Variants in PCDHA9 observed in about 807,000 individuals in gnomAD.
PCDHA9 encodes the protein protocadherin alpha 9.
In PCDHA9, 62 loss-of-function variants were observed where a neutral mutation model predicts 62.0. That is an observed-to-expected ratio of 1.00 (90% confidence interval 0.81 to 1.23). The LOEUF (loss-of-function observed/expected upper bound fraction) is 1.23. PCDHA9 is among the 50% of genes most tolerant of loss of function. The pLI is 0.00. For missense variants in PCDHA9, 1,205 were observed against 1,249.8 expected (o/e 0.96, Z 0.54); for synonymous variants, 557 against 567.6 (o/e 0.98, Z 0.27).
intron 1 of PCDHA9, among the ~76,000 whole-genome samples, chr5:140,900,747 CTTGGTAGCTCTATT>C (rs545406022): frequency 3.1e-4 from 47 of 152,302 alleles, no homozygotes; most frequent in African/African-American, 1.1e-3. Flanking sequence ...TTCTGGATCA[CTTGGTAGCTCTATT>C]TTTGGCTTTT....
intron 1 of PCDHA9, among the ~76,000 whole-genome samples, chr5:140,950,648 T>C (rs2153690319): frequency 6.6e-6 from 1 of 152,222 alleles, no homozygotes; most frequent in East Asian, 1.9e-4. Flanking sequence ...CTGTTTATGG[T>C]TGGCTGAGTT....
intron 1 of PCDHA9, chr5:140,884,016 G>C (rs143828814): frequency 1.2e-6 from 2 of 1,613,208 alleles, no homozygotes; most frequent in Non-Finnish European, 8.5e-7. Flanking sequence ...CTGATGCCGC[G>C]GTCGGTGGGT....
rs528377796 is a variant in PCDHA9, at chr5:140,957,777, T to G, written c.2395-21172T>G. The stretch of plus-strand genomic sequence containing the variant: ...TTCATTATATATGTTAAGTAAAAAC[T>G]AAGTTCATCATATATGTTAAGTAAA... On this transcript the variant is annotated intron_variant, in intron 1 of 3. Coordinates refer to ENST00000532602, the MANE Select transcript of PCDHA9 (RefSeq NM_031857.2). 8.5e-5 allele frequency among the ~76,000 whole-genome samples: 13 copies of G among 152,182 alleles called. No individual in the cohort carries two copies. The South Asian group carries it at 1.7e-3, about 19-fold the overall frequency.
chr5:140,966,651 C>A, intron 1 of PCDHA9: 1 of 1,159,980 alleles, frequency 8.6e-7, no homozygotes, highest in Non-Finnish European at 1.1e-6. Flanking sequence ...AGAGCGTGAG[C>A]GGTGGGGGAG....
chr5:140,853,126 G>T, intron 1 of PCDHA9: 1 of 560,330 alleles, frequency 1.8e-6, no homozygotes. Flanking sequence ...TGATCCTCCC[G>T]CCTCAGCCTC....
In PCDHA9 at chr5:140,850,726, C is replaced by T. The variant is rs781908002; in HGVS notation, c.2231C>T (p.Ala744Val). 1 of 1,597,804 alleles carries T rather than the reference C, an allele frequency of 6.3e-7. No individual in the cohort carries two copies. Among genetic ancestry groups the T allele is most frequent in the Non-Finnish European group, 8.6e-7 (1 of 1,167,558 alleles). The change falls in exon 1 of 4, where the codon GCG becomes GTG. Residue 744 changes from alanine (A) to valine (V), a missense_variant. Physicochemically the swap from Ala to Val is moderately conservative, Grantham distance 64 (BLOSUM62 0). This residue lies in a region of PCDHA9 where 887 missense variants were observed against 809.5 expected (regional missense o/e 1.10). Transcript: ENST00000532602. Reference protein sequence around the residue: ...PGKPTLVCSSAVGSWSYSQQR... With the variant: ...PGKPTLVCSSVVGSWSYSQQR... ...AAGCCGACGCTGGTGTGTTCTAGCG[C>T]GGTGGGGAGTTGGTCGTACTCGCAG... is the stretch of plus-strand genomic sequence containing the variant.
At chr5:140,969,576 G>A (rs982215577) in intron 1 of PCDHA9, 3 of 984,900 alleles carry the variant, frequency 3.0e-6, no homozygotes, top group Admixed American at 2.9e-5. Flanking sequence ...TTTGAGAAGT[G>A]AGGATTAGTC....
intron 1 of PCDHA9, among the ~76,000 whole-genome samples, chr5:140,880,418 G>T (rs1554171267): frequency 6.6e-6 from 1 of 152,090 alleles, no homozygotes; most frequent in Non-Finnish European, 1.5e-5. Flanking sequence ...CTTAAAAGCG[G>T]GAACAGTTTT....
intron 1 of PCDHA9, among the ~76,000 whole-genome samples, chr5:140,971,333 G>A (rs1015985935): frequency 6.6e-6 from 1 of 152,194 alleles, no homozygotes. Context: ...AATTATTTCA[G>A]AAAGTGCTTG....
At chr5:140,968,995 A>G in intron 1 of PCDHA9, 2 of 1,614,200 alleles carry the variant, frequency 1.2e-6, no homozygotes, top group Non-Finnish European at 1.7e-6. Flanking sequence ...CATGCTGTGG[A>G]GGCTTCTGTG....
chr5:140,926,906 G>A (rs781809570), intron 1 of PCDHA9: 1 of 1,559,584 alleles, frequency 6.4e-7, no homozygotes, highest in Admixed American at 1.8e-5. Context: ...GTGGGCTGTG[G>A]GGTGGCAGTT....
At chr5:140,858,165 C>G in intron 1 of PCDHA9, 1 of 1,597,786 alleles carries the variant, frequency 6.3e-7, no homozygotes, top group Non-Finnish European at 8.6e-7. Flanking sequence ...TGCGCGGTGT[C>G]CAGCTTGCTG....
At chr5:140,856,168 C>G in intron 1 of PCDHA9, 1 of 1,598,314 alleles carries the variant, frequency 6.3e-7, no homozygotes, top group Non-Finnish European at 8.6e-7. Context: ...AGGCCAGACA[C>G]GGCACCTTCG....
chr5:140,897,389 C>G (rs1212817070), intron 1 of PCDHA9, among the ~76,000 whole-genome samples: 1 of 139,546 alleles, frequency 7.2e-6, no homozygotes, highest in Non-Finnish European at 1.5e-5. Context: ...CTTCCTGTGT[C>G]CATGTGTTCT....
chr5:140,853,250 TTCTC>T (rs2042687770), intron 1 of PCDHA9: 1 of 976,068 alleles, frequency 1.0e-6, no homozygotes, highest in Non-Finnish European at 1.2e-6. Context: ...TTAATCTCTA[TTCTC>T]TCTCAGAGTA....
rs546596358 is a variant in PCDHA9, at chr5:140,863,481, A to G, written c.2394+12592A>G. The G allele has an allele frequency of 1.2e-4, 54 of 468,998 alleles. No homozygotes were observed. The Middle Eastern group carries it at 1.4e-3, about 12-fold the overall frequency. The allele number at this position is 468,998 out of a possible 1,614,324, so 29.1% of individuals were successfully genotyped here. Reference sequence around the variant, plus strand: ...ATTTTACTCTGGAGAGTCGCCTCCCAAGGTCAACATTACGGCTTTTAGTCC... The same window carrying G: ...ATTTTACTCTGGAGAGTCGCCTCCCGAGGTCAACATTACGGCTTTTAGTCC... On this transcript the variant is annotated intron_variant, in intron 1 of 3. Coordinates refer to ENST00000532602, the MANE Select transcript of PCDHA9 (RefSeq NM_031857.2).
chr5:140,854,522 C>T (rs1554147313), intron 1 of PCDHA9: 1 of 149,908 alleles, frequency 6.7e-6, no homozygotes. Flanking sequence ...GATTAAGTGA[C>T]ACCCATTTCT....
intron 1 of PCDHA9, chr5:140,884,471 G>T (rs2060197778): frequency 1.2e-6 from 2 of 1,613,684 alleles, no homozygotes; most frequent in Admixed American, 3.3e-5. Flanking sequence ...GTGCGCGCCG[G>T]GCAAGCCCAC....
At chr5:141,008,837 C>T (rs1460664317) in intron 3 of PCDHA9, among the ~76,000 whole-genome samples, 10 of 152,178 alleles carry the variant, frequency 6.6e-5, no homozygotes, top group South Asian at 2.1e-4. Flanking sequence ...CATCCTCTTA[C>T]GCTGTGTATT....
Sources: gnomAD v4.1 joint callset for allele counts (sites outside exome capture counted in the v4.1 genomes callset) on GRCh38, gnomAD v4.1.1 for gene constraint, gnomAD v4.1.1 regional missense constraint, MANE v1.5 for transcripts, NCBI Gene and HGNC (gene_info 2026-07-23, HGNC 2026-07-21) for gene names.